Variants in ABLIM2 observed in about 807,000 individuals in gnomAD.
The protein encoded by ABLIM2 is actin binding LIM protein family member 2.
Under a neutral mutation model 97.7 loss-of-function variants are expected in ABLIM2, and 53 were observed. The ratio of observed to expected loss-of-function variants is 0.54; its 90% CI spans 0.44 to 0.68. ABLIM2 has a LOEUF of 0.68. Ranked by LOEUF, ABLIM2 falls within the 30% of genes least tolerant of loss-of-function variation. The pLI, the probability that ABLIM2 is intolerant of heterozygous loss-of-function variation, is 0.00. For missense variants in ABLIM2, 835 were observed against 867.2 expected, an observed-to-expected ratio of 0.96 and a Z score of 0.47; for synonymous variants, 361 against 345.8, an observed-to-expected ratio of 1.04 and a Z score of -0.49.
At chr4:8,121,728 A>G (rs1043538224) in intron 1 of ABLIM2, among the ~76,000 whole-genome samples, 2 of 152,230 alleles carry the variant, frequency 1.3e-5, no homozygotes, top group Non-Finnish European at 2.9e-5. Flanking sequence ...GCAGATGCCC[A>G]GTGAATATTT....
intron 9 of ABLIM2, among the ~76,000 whole-genome samples, chr4:8,042,138 C>T (rs555176816): frequency 1.4e-4 from 22 of 152,274 alleles, no homozygotes; most frequent in Middle Eastern, 3.4e-3. Flanking sequence ...TGGAAGGCCT[C>T]GGAAGCAGGG....
intron 1 of ABLIM2, among the ~76,000 whole-genome samples, chr4:8,119,595 G>C (rs1016959430): frequency 4.6e-5 from 7 of 152,078 alleles, no homozygotes; most frequent in Non-Finnish European, 7.4e-5. Flanking sequence ...CAAAGTGCTG[G>C]GATTATAGGC....
At chr4:8,034,952 TGGTA>T (rs1783559520) in intron 10 of ABLIM2, among the ~76,000 whole-genome samples, 1 of 89,354 alleles carries the variant, frequency 1.1e-5, no homozygotes, top group Non-Finnish European at 2.2e-5. Flanking sequence ...GGGTGGTGGG[TGGTA>T]GGTAGGTGGG....
chr4:8,084,625 G>T (rs899541780), intron 4 of ABLIM2, among the ~76,000 whole-genome samples: 1 of 152,210 alleles, frequency 6.6e-6, no homozygotes, highest in Non-Finnish European at 1.5e-5. Flanking sequence ...CCTCACTCTG[G>T]TGGGGCCTCC....
At chr4:7,983,505 G>A (rs1481008010) in intron 19 of ABLIM2, 42 bp downstream of exon 19, 1 of 1,611,806 alleles carries the variant, frequency 6.2e-7, no homozygotes, top group African/African-American at 1.3e-5. Flanking sequence ...CTGGGCAGGT[G>A]TGGCGCGGCA....
In ABLIM2 at chr4:8,072,424, G is replaced by A. The variant is rs1212329488; in HGVS notation, c.675+5204C>T. Among the ~76,000 whole-genome samples the A allele has an allele frequency of 1.3e-5, 2 of 152,208 alleles. No homozygotes were observed. The highest frequency in any genetic ancestry group is 2.9e-5 in the Non-Finnish European group (2 of 68,044). On this transcript the variant is annotated intron_variant, in intron 6 of 20. Transcript: ENST00000447017. The surrounding 1 kb of genome is among the most constrained non-coding windows in gnomAD (Gnocchi z 5.8). ...GGTCTGCCCCCGACCCCAGGCCAGG[G>A]CCTCTCTGGTGTGGGGGCTGCTGCC...
At chr4:8,139,525 G>A (rs965670413) in intron 1 of ABLIM2, among the ~76,000 whole-genome samples, 3 of 152,218 alleles carry the variant, frequency 2.0e-5, no homozygotes, top group Non-Finnish European at 4.4e-5. Flanking sequence ...GATCATTAGA[G>A]AAGTGCAGAT....
At chr4:8,081,057 C>T (rs1464560333) in intron 4 of ABLIM2, among the ~76,000 whole-genome samples, 1 of 152,114 alleles carries the variant, frequency 6.6e-6, no homozygotes, top group Non-Finnish European at 1.5e-5. Flanking sequence ...CTGGGGAAAC[C>T]TAGATGAAGA....
chr4:8,019,690 A>T lies in ABLIM2; in HGVS notation c.1370-19T>A. 1.2e-6 allele frequency: 2 copies of T among 1,605,988 alleles called. No individual in the cohort carries two copies. The highest frequency in any genetic ancestry group is 1.7e-6 in the Non-Finnish European group (2 of 1,174,514). On this transcript the variant is annotated intron_variant, in intron 13 of 20. Transcript: ENST00000447017. The surrounding 1 kb of genome is among the most constrained non-coding windows in gnomAD (Gnocchi z 4.3). ...CCAGTGTCTGGGGAAGAAGAAAGAA[A>T]AAAAAGGAGAGAACAGGAGGGTAAG...
Position 8,046,184 on chromosome 4 carries a change from C to A in ABLIM2, c.823-943G>T, listed in dbSNP as rs541167137. The stretch of plus-strand genomic sequence containing the variant: ...CCACTCCTCCCTTCCGGACCACACC[C>A]GCTGTGTCCCCTGGGCTGATGGTTT... On this transcript the variant is annotated intron_variant, in intron 8 of 20. Transcript: ENST00000447017. This position sits in a 1 kb window ranked among gnomAD's most constrained non-coding sequence, Gnocchi z 4.4. Among the ~76,000 whole-genome samples, 166 of 152,276 alleles carry A rather than the reference C, an allele frequency of 1.1e-3. 1 individual carries two copies. The highest frequency in any genetic ancestry group is 3.6e-3 in the African/African-American group (150 of 41,556).
chr4:8,106,157 C>T (rs900364758), intron 2 of ABLIM2, among the ~76,000 whole-genome samples: 3 of 152,176 alleles, frequency 2.0e-5, no homozygotes, highest in African/African-American at 7.2e-5. Context: ...CTGACCATGA[C>T]CGTTTATTTA....
rs537683267 is a variant in ABLIM2, at chr4:8,003,450, C to T, written c.1618+4609G>A. On this transcript the variant is annotated intron_variant, in intron 16 of 20. Coordinates refer to ENST00000447017, the MANE Select transcript of ABLIM2 (RefSeq NM_001130083.2). The surrounding 1 kb of genome is among the most constrained non-coding windows in gnomAD (Gnocchi z 4.2). ...TTCTACCCAATATACATCGCTTTCA[C>T]GCCAGCGGAAAGTCACACGGTCCCA... Among the ~76,000 whole-genome samples the T allele has an allele frequency of 4.3e-4, 65 of 152,234 alleles. No individual in the cohort carries two copies. The highest frequency in any genetic ancestry group is 1.5e-3 in the African/African-American group (63 of 41,544).
intron 2 of ABLIM2, among the ~76,000 whole-genome samples, chr4:8,100,762 A>G (rs1834148729): frequency 6.6e-6 from 1 of 151,836 alleles, no homozygotes; most frequent in Non-Finnish European, 1.5e-5. Flanking sequence ...AAAAAAAAAA[A>G]AAAAAAAAAA....
intron 8 of ABLIM2, among the ~76,000 whole-genome samples, chr4:8,049,002 C>T (rs1429905361): frequency 1.3e-5 from 2 of 152,232 alleles, no homozygotes; most frequent in African/African-American, 4.8e-5. Context: ...TCCTCAGACA[C>T]ACCACCCAGA....
rs1273256977 is a variant in ABLIM2, at chr4:8,003,906, G to A, written c.1618+4153C>T. ...GATGTCTGCATATTCCATACCTAGGGGGTCTCACGTCTCTAAGCCTGAGGC... is the reference window on the plus strand; with the variant it reads ...GATGTCTGCATATTCCATACCTAGGAGGTCTCACGTCTCTAAGCCTGAGGC... On this transcript the variant is annotated intron_variant, in intron 16 of 20. Transcript: ENST00000447017. This position sits in a 1 kb window ranked among gnomAD's most constrained non-coding sequence, Gnocchi z 4.2. Among the ~76,000 whole-genome samples the A allele has an allele frequency of 3.3e-5, 5 of 152,034 alleles. No homozygotes were observed. Among genetic ancestry groups the A allele is most frequent in the Non-Finnish European group, 7.4e-5 (5 of 68,014 alleles).
In ABLIM2 at chr4:8,096,688, T is replaced by A. The variant is rs557453946; in HGVS notation, c.338+411A>T. Among the ~76,000 whole-genome samples, 5 of 152,326 alleles carry A rather than the reference T, an allele frequency of 3.3e-5. No homozygotes were observed. The South Asian group carries it at 1.0e-3, about 32-fold the overall frequency. ...TTCTTTGTTTTCTAGAAACAGAACA[T>A]TTCCTCTGGGAGGAACGAGTCAGGG... On this transcript the variant is annotated intron_variant, in intron 3 of 20. Coordinates refer to ENST00000447017, the MANE Select transcript of ABLIM2 (RefSeq NM_001130083.2).
chr4:8,097,876 G>A (rs1053011772), intron 2 of ABLIM2, among the ~76,000 whole-genome samples: 4 of 152,030 alleles, frequency 2.6e-5, no homozygotes, highest in Admixed American at 1.3e-4. Flanking sequence ...GGCCAGACCT[G>A]CAGGAGGAGA....
intron 1 of ABLIM2, among the ~76,000 whole-genome samples, chr4:8,143,260 G>C (rs183517179): frequency 6.6e-6 from 1 of 151,678 alleles, no homozygotes; most frequent in Admixed American, 6.6e-5. Flanking sequence ...TACTGTCAGC[G>C]GTCTCCACCC....
chr4:8,080,894 G>T, intron 4 of ABLIM2, 92 bp from the exon 5 acceptor site: 1 of 1,483,052 alleles, frequency 6.7e-7, no homozygotes, highest in Non-Finnish European at 9.1e-7. Context: ...AAGGCCCCTG[G>T]GGCAGCCGGG....
Sources: allele counts gnomAD v4.1 joint callset (sites outside exome capture counted in the v4.1 genomes callset), GRCh38; gene constraint gnomAD v4.1.1; non-coding constraint Gnocchi (gnomAD v3.1); transcripts MANE v1.5; gene names NCBI Gene and HGNC (gene_info 2026-07-23, HGNC 2026-07-21).